The following IGFL4 variants were observed in gnomAD, a reference collection of about 807,000 sequenced individuals.
IGFL4 encodes insulin growth factor-like family member 4.
In IGFL4, 12 loss-of-function variants were observed where a neutral mutation model predicts 15.4. That is an observed-to-expected ratio of 0.78 (90% CI 0.50 to 1.26). The LOEUF is 1.26. Among genes scored for constraint, IGFL4 ranks in the 50% most tolerant of loss-of-function variants. The pLI, the probability that IGFL4 is intolerant of heterozygous loss-of-function variation, is 0.00. For missense variants in IGFL4, 126 were observed against 147.8 expected (o/e 0.85, Z 0.76); for synonymous variants, 54 against 55.9 (o/e 0.97, Z 0.16).
chr19:46,049,622 C>T (rs1435211791), intron 2 of IGFL4, among the ~76,000 whole-genome samples: 2 of 152,146 alleles, frequency 1.3e-5, no homozygotes, highest in Non-Finnish European at 2.9e-5. Flanking sequence ...AGCAAGTCCC[C>T]GCCAAGGAGA....
chr19:46,066,576 A>C (rs944079937), intron 1 of IGFL4, among the ~76,000 whole-genome samples: 1 of 152,226 alleles, frequency 6.6e-6, no homozygotes, highest in African/African-American at 2.4e-5. Context: ...TATAGGAAGC[A>C]TGGTGCTGGC....
At chr19:46,045,949 A>T (rs1300134893), upstream of IGFL4, among the ~76,000 whole-genome samples, 2 of 152,194 alleles carry the variant, frequency 1.3e-5, no homozygotes, top group Non-Finnish European at 2.9e-5. Flanking sequence ...GATTTACCCC[A>T]AGACATATAA....
chr19:46,064,034 T>C (rs1391883722), intron 1 of IGFL4, among the ~76,000 whole-genome samples: 2 of 149,500 alleles, frequency 1.3e-5, no homozygotes, highest in Non-Finnish European at 3.0e-5. Flanking sequence ...ATAGCACCAC[T>C]GTACTCCAGC....
upstream of IGFL4, among the ~76,000 whole-genome samples, chr19:46,042,895 G>A (rs1176718132): frequency 1.3e-5 from 2 of 152,238 alleles, no homozygotes; most frequent in Non-Finnish European, 2.9e-5. Flanking sequence ...AAGTGATGCT[G>A]TAGCAGCTTC....
intron 2 of IGFL4, among the ~76,000 whole-genome samples, chr19:46,054,816 G>A (rs1401040770): frequency 6.6e-6 from 1 of 152,194 alleles, no homozygotes; most frequent in African/African-American, 2.4e-5. Flanking sequence ...TAAAGGAATA[G>A]AAGATCTATA....
chr19:46,074,698 C>G, intron 1 of IGFL4, among the ~76,000 whole-genome samples: 1 of 152,174 alleles, frequency 6.6e-6, no homozygotes, highest in East Asian at 1.9e-4. Context: ...TCTAGCCAAG[C>G]TGGCAGCTGA....
intron 1 of IGFL4, among the ~76,000 whole-genome samples, chr19:46,068,061 A>G (rs1008977803): frequency 3.9e-5 from 6 of 152,246 alleles, no homozygotes; most frequent in Admixed American, 6.5e-5. Flanking sequence ...GCCATGCTCC[A>G]GGCTGAAGCG....
In IGFL4 at chr19:46,040,661, G is replaced by T; in HGVS notation, c.20-93C>A. On this transcript the variant is annotated intron_variant, in intron 1 of 3. Coordinates refer to ENST00000377697, the MANE Select transcript of IGFL4 (RefSeq NM_001002923.3). This position sits in a 1 kb window ranked among gnomAD's most constrained non-coding sequence, Gnocchi z 4.1. Reference sequence around the variant, plus strand: ...ATGTCTCTGAGCTTCTCTGGTTGCTGTTAACAGCTCAGAGTGGATTTTGGG... The same window carrying T: ...ATGTCTCTGAGCTTCTCTGGTTGCTTTTAACAGCTCAGAGTGGATTTTGGG... The T allele has an allele frequency of 7.0e-7, 1 of 1,426,258 alleles. No individual in the cohort carries two copies. The highest frequency in any genetic ancestry group is 9.8e-7 in the Non-Finnish European group (1 of 1,020,946). The allele number at this position is 1,426,258 out of a possible 1,614,324, so 88.4% of individuals were successfully genotyped here. A position where few individuals can be genotyped will look rare whatever the true frequency, so the allele number is the denominator to read the frequency against.
At chr19:46,058,461 G>C (rs975316086) in intron 2 of IGFL4, 2 of 152,466 alleles carry the variant, frequency 1.3e-5, no homozygotes, top group African/African-American at 4.8e-5. Flanking sequence ...CACAGTGTAA[G>C]CTGTTGGTGG....
chr19:46,075,106 A>G (rs1307917128), intron 1 of IGFL4, among the ~76,000 whole-genome samples: 1 of 152,346 alleles, frequency 6.6e-6, no homozygotes, highest in Non-Finnish European at 1.5e-5. Context: ...TTAGAACAGC[A>G]TTAGATTTAC....
At chr19:46,044,164 A>G (rs1969275080), upstream of IGFL4, among the ~76,000 whole-genome samples, 1 of 152,180 alleles carries the variant, frequency 6.6e-6, no homozygotes, top group African/African-American at 2.4e-5. Context: ...TGCTTCTCCC[A>G]TGGATATTTG....
intron 2 of IGFL4, among the ~76,000 whole-genome samples, chr19:46,046,977 C>T (rs1401870798): frequency 6.6e-6 from 1 of 152,168 alleles, no homozygotes; most frequent in African/African-American, 2.4e-5. Flanking sequence ...ATGGCACTCA[C>T]TCTAAAATTG....
At chr19:46,072,380 G>A (rs1305971407) in intron 1 of IGFL4, among the ~76,000 whole-genome samples, 4 of 152,166 alleles carry the variant, frequency 2.6e-5, no homozygotes, top group African/African-American at 7.2e-5. Flanking sequence ...CCAAATCCAC[G>A]TGGGGTCCAC....
At chr19:46,053,403 C>T (rs766027985) in intron 2 of IGFL4, among the ~76,000 whole-genome samples, 40 of 152,134 alleles carry the variant, frequency 2.6e-4, no homozygotes, top group Non-Finnish European at 4.1e-4. Context: ...TTAGTAGAGC[C>T]GGGGTTTTAC....
At chr19:46,055,124 G>A (rs1053261012) in intron 2 of IGFL4, among the ~76,000 whole-genome samples, 1 of 152,136 alleles carries the variant, frequency 6.6e-6, no homozygotes, top group Non-Finnish European at 1.5e-5. Flanking sequence ...ACTTGGTAAA[G>A]GTCATCAAAT....
At chr19:46,069,564 T>C (rs1170773357) in intron 1 of IGFL4, among the ~76,000 whole-genome samples, 1 of 152,194 alleles carries the variant, frequency 6.6e-6, no homozygotes, top group Non-Finnish European at 1.5e-5. Context: ...TCCCTTCTTA[T>C]AAATAAGATA....
At chr19:46,053,964 C>T (rs1332660793) in intron 2 of IGFL4, among the ~76,000 whole-genome samples, 2 of 151,958 alleles carry the variant, frequency 1.3e-5, no homozygotes, top group African/African-American at 4.8e-5. Flanking sequence ...TTTAAAATCA[C>T]CTTGTTTGTT....
intron 1 of IGFL4, among the ~76,000 whole-genome samples, chr19:46,064,762 A>C (rs1969479043): frequency 6.6e-6 from 1 of 152,228 alleles, no homozygotes; most frequent in Admixed American, 6.5e-5. Context: ...CAAATATGGA[A>C]GTGCAGGTAT....
At chr19:46,049,591 C>T (rs1052589817) in intron 2 of IGFL4, among the ~76,000 whole-genome samples, 3 of 152,094 alleles carry the variant, frequency 2.0e-5, no homozygotes, top group Non-Finnish European at 4.4e-5. Context: ...GAACCACACC[C>T]CCATCCCCTA....
Sources: gnomAD v4.1 joint callset for allele counts (sites outside exome capture counted in the v4.1 genomes callset) on GRCh38, gnomAD v4.1.1 for gene constraint, Gnocchi (gnomAD v3.1) non-coding constraint, MANE v1.5 for transcripts, NCBI Gene and HGNC (gene_info 2026-07-23, HGNC 2026-07-21) for gene names.